The following ANO10 variants were observed in gnomAD, a reference collection of about 807,000 sequenced individuals.
ANO10 encodes anoctamin-10.
ANO10 carries 77 observed loss-of-function variants against 74.7 expected under a neutral mutation model. The observed-to-expected ratio is 1.03, with a 90% CI of 0.86 to 1.25. ANO10 has a LOEUF of 1.25. Ranked by LOEUF, ANO10 falls within the 50% of genes most tolerant of loss-of-function variation. ANO10 has a pLI of 0.00. For missense variants in ANO10, 721 were observed against 778.1 expected, an observed-to-expected ratio of 0.93 and a Z score of 0.87; for synonymous variants, 279 against 284.9, an observed-to-expected ratio of 0.98 and a Z score of 0.21.
intron 11 of ANO10, among the ~76,000 whole-genome samples, chr3:43,487,807 A>G (rs1438153946): frequency 6.6e-6 from 1 of 151,690 alleles, no homozygotes; most frequent in Non-Finnish European, 1.5e-5. Flanking sequence ...TTGTGTCTCT[A>G]TTTCCTTCAG....
intron 1 of ANO10, among the ~76,000 whole-genome samples, chr3:43,685,047 G>A (rs912773990): frequency 1.3e-5 from 2 of 152,202 alleles, no homozygotes; most frequent in South Asian, 2.1e-4. Flanking sequence ...AAACCTGCAC[G>A]TTGTGCACAT....
Position 43,619,617 on chromosome 3 carries a change from T to TG in ANO10, c.-12+2291dup, listed in dbSNP as rs768457138. The stretch of plus-strand genomic sequence containing the variant: ...GTAATCCCAGCACTTTGGGAGTCCA[T>TG]GGGGGGTGGATCTATTGAGCTCAGG... On this transcript the variant is annotated intron_variant, in intron 1 of 12. Coordinates refer to ENST00000292246, the MANE Select transcript of ANO10 (RefSeq NM_018075.5). Among the ~76,000 whole-genome samples the TG allele has an allele frequency of 7.8e-4, 118 of 151,416 alleles. 1 individual carries two copies. Among genetic ancestry groups the TG allele is most frequent in the Non-Finnish European group, 1.4e-3 (92 of 67,772 alleles).
chr3:43,453,307 G>A (rs1243401371), intron 11 of ANO10, among the ~76,000 whole-genome samples: 2 of 150,912 alleles, frequency 1.3e-5, no homozygotes, highest in Non-Finnish European at 2.9e-5. Flanking sequence ...AGCCTCCCAA[G>A]TAGCTGGGAC....
At chr3:43,375,045 CG>C (rs1298991641) in intron 12 of ANO10, among the ~76,000 whole-genome samples, 5 of 151,816 alleles carry the variant, frequency 3.3e-5, no homozygotes, top group African/African-American at 1.2e-4. Context: ...CACATGAACC[CG>C]GGAGGCGGAG....
intron 12 of ANO10, among the ~76,000 whole-genome samples, chr3:43,370,940 G>A (rs1054731331): frequency 6.6e-6 from 1 of 152,102 alleles, no homozygotes; most frequent in Non-Finnish European, 1.5e-5. Context: ...GACCTGGAAT[G>A]GCCATGGTGG....
chr3:43,450,262 C>T (rs1334900523), intron 11 of ANO10, among the ~76,000 whole-genome samples: 7 of 152,154 alleles, frequency 4.6e-5, no homozygotes, highest in Admixed American at 3.9e-4. Flanking sequence ...ATATATCAGC[C>T]AGGCACAGTG....
At position 43,613,635 on chromosome 3, in the gene ANO10, G is replaced by C. The variant is rs185958397; in HGVS notation, c.-11-7772C>G. Among the ~76,000 whole-genome samples the C allele has an allele frequency of 3.6e-3, 553 of 152,188 alleles. 3 individuals are homozygous for C. The highest frequency in any genetic ancestry group is 0.013 in the African/African-American group (523 of 41,510). ...GGGCGAGAATATGGGTATACTTTGT[G>C]GTATTCTTTTAACTCTCCTGACTGA... On this transcript the variant is annotated intron_variant, in intron 1 of 12. Transcript: ENST00000292246.
chr3:43,435,126 T>G (rs1042644667), intron 11 of ANO10, among the ~76,000 whole-genome samples: 2 of 152,252 alleles, frequency 1.3e-5, no homozygotes, highest in African/African-American at 4.8e-5. Context: ...TCGTCCTGAT[T>G]GCTCATTTGC....
chr3:43,631,130 GC>G (rs1181521242), intron 1 of ANO10, among the ~76,000 whole-genome samples: 1 of 152,128 alleles, frequency 6.6e-6, no homozygotes, highest in East Asian at 1.9e-4. Flanking sequence ...ATGTTTACTG[GC>G]AGACTGCTTC....
intron 12 of ANO10, among the ~76,000 whole-genome samples, chr3:43,429,965 T>C (rs1470015278): frequency 6.6e-6 from 1 of 152,196 alleles, no homozygotes; most frequent in East Asian, 1.9e-4. Context: ...CGAGGAAGAC[T>C]GAACCAATTT....
At chr3:43,612,116 G>A (rs1193978579) in intron 1 of ANO10, among the ~76,000 whole-genome samples, 1 of 134,582 alleles carries the variant, frequency 7.4e-6, no homozygotes, top group Non-Finnish European at 1.6e-5. Flanking sequence ...TTTAAGTGCA[G>A]TGGAATAAAG....
chr3:43,555,529 A>G (rs1403938305), intron 9 of ANO10, 60 bp from the exon 10 acceptor site: 1 of 1,527,676 alleles, frequency 6.5e-7, no homozygotes, highest in East Asian at 2.3e-5. Flanking sequence ...ATCCTTTTGC[A>G]ATACTAATCA....
At chr3:43,593,345 AG>A (rs1559753498) in intron 4 of ANO10, among the ~76,000 whole-genome samples, 1 of 152,246 alleles carries the variant, frequency 6.6e-6, no homozygotes, top group African/African-American at 2.4e-5. Context: ...AAAAATGTTA[AG>A]GGTAGACAGA....
intron 4 of ANO10, among the ~76,000 whole-genome samples, chr3:43,592,710 C>T (rs1431236671): frequency 1.3e-5 from 2 of 152,198 alleles, no homozygotes; most frequent in African/African-American, 2.4e-5. Context: ...CAAAGAAATG[C>T]AGCTCCTCGC....
chr3:43,540,261 C>T lies in ANO10; in HGVS notation c.1797+9459G>A, dbSNP rs569194107. 3.2e-4 allele frequency among the ~76,000 whole-genome samples: 48 copies of T among 152,318 alleles called. No homozygotes were observed. The South Asian group carries it at 3.5e-3, about 11-fold the overall frequency. ...CAAATCTTTTGCTGTAGAGCTAGGG[C>T]CCTTCCTCTGAGTAGGATCCAGTGA... On this transcript the variant is annotated intron_variant, in intron 11 of 12. Coordinates refer to ENST00000292246, the MANE Select transcript of ANO10 (RefSeq NM_018075.5).
chr3:43,502,469 T>C (rs1180056063), intron 11 of ANO10, among the ~76,000 whole-genome samples: 1 of 152,016 alleles, frequency 6.6e-6, no homozygotes, highest in Non-Finnish European at 1.5e-5. Flanking sequence ...TCTCTCACCA[T>C]GTGATCTCTA....
intron 1 of ANO10, among the ~76,000 whole-genome samples, chr3:43,633,993 A>AG (rs2083578638): frequency 1.0e-5 from 1 of 97,382 alleles, no homozygotes; most frequent in Non-Finnish European, 2.0e-5. Context: ...TATCATGGAC[A>AG]GCAAAAAAAA....
intron 12 of ANO10, among the ~76,000 whole-genome samples, chr3:43,399,734 T>A (rs2092446114): frequency 2.0e-5 from 3 of 152,194 alleles, no homozygotes. Flanking sequence ...GCAAATTATC[T>A]GCAGGCCTCA....
chr3:43,671,116 G>A (rs1341584772), intron 1 of ANO10, among the ~76,000 whole-genome samples: 1 of 152,184 alleles, frequency 6.6e-6, no homozygotes, highest in African/African-American at 2.4e-5. Flanking sequence ...TAAGAATGAT[G>A]TAAAGATCAA....
Sources: gnomAD v4.1 joint callset for allele counts (sites outside exome capture counted in the v4.1 genomes callset) on GRCh38, gnomAD v4.1.1 for gene constraint, MANE v1.5 for transcripts, NCBI Gene and HGNC (gene_info 2026-07-23, HGNC 2026-07-21) for gene names.